PTPRN2: variants seen among roughly 807,000 people sequenced by gnomAD.
PTPRN2 encodes receptor-type tyrosine-protein phosphatase N2.
In PTPRN2, 74 loss-of-function variants were observed where a neutral mutation model predicts 118.8. The observed-to-expected ratio is 0.62, with a 90% confidence interval of 0.52 to 0.76. PTPRN2 has a LOEUF of 0.76. PTPRN2 is among the 30% of genes least tolerant of loss of function. The probability of loss-of-function intolerance (pLI) is 0.00; values close to 1 mark genes in which losing one functional copy is unlikely to be tolerated. For missense variants in PTPRN2, 1,481 were observed against 1,394.4 expected, an observed-to-expected ratio of 1.06 and a Z score of -0.99; for synonymous variants, 641 against 608.0, an observed-to-expected ratio of 1.05 and a Z score of -0.80.
At position 158,270,016 on chromosome 7, in the gene PTPRN2, C is replaced by T. The variant is rs538618001; in HGVS notation, c.277+46803G>A. ...CAGAGACAGAGTCCCAGCAGTTGCC[C>T]GTCCACTCTCTGCCTGACCTGCAAT... On this transcript the variant is annotated intron_variant, in intron 3 of 22. Coordinates refer to ENST00000389418, the MANE Select transcript of PTPRN2 (RefSeq NM_002847.5). 3.0e-4 allele frequency among the ~76,000 whole-genome samples: 45 copies of T among 152,306 alleles called. No homozygotes were observed. In the South Asian group the frequency reaches 4.1e-3, roughly 14 times the overall value.
intron 6 of PTPRN2, among the ~76,000 whole-genome samples, chr7:158,156,531 G>C (rs145250214): frequency 6.6e-6 from 1 of 152,330 alleles, no homozygotes; most frequent in East Asian, 1.9e-4. Flanking sequence ...CTGCAGAAAC[G>C]CCCTCGTAAT....
intron 3 of PTPRN2, among the ~76,000 whole-genome samples, chr7:158,253,855 G>A (rs1056654586): frequency 2.6e-5 from 4 of 151,906 alleles, no homozygotes; most frequent in African/African-American, 7.3e-5. Context: ...ATCGAGCAGA[G>A]GAAGCATCCC....
intron 2 of PTPRN2, among the ~76,000 whole-genome samples, chr7:158,358,574 G>T (rs1035126773): frequency 1.3e-5 from 2 of 152,228 alleles, no homozygotes; most frequent in Non-Finnish European, 2.9e-5. Flanking sequence ...GCAGCTGAGG[G>T]GTGGAGAAAC....
intron 12 of PTPRN2, among the ~76,000 whole-genome samples, chr7:157,687,703 T>C (rs1018671728): frequency 1.3e-5 from 2 of 152,208 alleles, no homozygotes; most frequent in Non-Finnish European, 2.9e-5. Context: ...TATTAGGAAA[T>C]TTCATTCTAA....
chr7:157,688,497 A>G (rs972976116), intron 12 of PTPRN2, among the ~76,000 whole-genome samples: 5 of 152,080 alleles, frequency 3.3e-5, no homozygotes, highest in African/African-American at 7.2e-5. Flanking sequence ...TTTTCATGAC[A>G]CCCAAACTCA....
intron 2 of PTPRN2, among the ~76,000 whole-genome samples, chr7:158,430,720 G>A (rs1816109266): frequency 6.6e-6 from 1 of 152,238 alleles, no homozygotes; most frequent in African/African-American, 2.4e-5. Flanking sequence ...GCCCGGCCTG[G>A]ATTTCCAGGA....
intron 5 of PTPRN2, among the ~76,000 whole-genome samples, chr7:158,180,517 C>A (rs543128498): frequency 6.6e-6 from 1 of 152,250 alleles, no homozygotes; most frequent in Non-Finnish European, 1.5e-5. Flanking sequence ...TTCATTAAAT[C>A]TGTAGATTGC....
At position 157,545,912 on chromosome 7, in the gene PTPRN2, T is replaced by G. The variant is rs116586608; in HGVS notation, c.2976+3034A>C. On this transcript the variant is annotated intron_variant, in intron 22 of 22. Coordinates refer to ENST00000389418, the MANE Select transcript of PTPRN2 (RefSeq NM_002847.5). ...GCTTCGTAGAAGCAAGCATTCAGATTGGACAGCAGCATTTTGCCCAAATAA... is the reference window on the plus strand; with the variant it reads ...GCTTCGTAGAAGCAAGCATTCAGATGGGACAGCAGCATTTTGCCCAAATAA... Among the ~76,000 whole-genome samples the G allele has an allele frequency of 9.8e-3, 1,487 of 152,290 alleles. 17 individuals are homozygous for G. The highest frequency in any genetic ancestry group is 0.035 in the African/African-American group (1,435 of 41,548).
intron 2 of PTPRN2, among the ~76,000 whole-genome samples, chr7:158,372,246 TCCCCAGTGCTGGTCCCCAGAGCTGATCC>T (rs1810077682): frequency 7.9e-6 from 1 of 127,106 alleles, no homozygotes; most frequent in Non-Finnish European, 1.7e-5. Flanking sequence ...GGAGCTGGCC[TCCCCAGTGCTGGTCCCCAGAGCTGATCC>T]CCCCAACGCT....
At chr7:158,441,244 A>AGGTGAT (rs796968502) in intron 2 of PTPRN2, among the ~76,000 whole-genome samples, 4 of 59,300 alleles carry the variant, frequency 6.7e-5, no homozygotes, top group South Asian at 5.8e-4. Context: ...ATGGCAATGA[A>AGGTGAT]GGTGATGGTG....
intron 12 of PTPRN2, among the ~76,000 whole-genome samples, chr7:157,724,187 T>G (rs1193058006): frequency 6.6e-6 from 1 of 152,198 alleles, no homozygotes; most frequent in Non-Finnish European, 1.5e-5. Flanking sequence ...GGGTGGAATT[T>G]AGGCTTCCCC....
At position 158,587,750 on chromosome 7, in the gene PTPRN2, C is replaced by G. The variant is rs886480271; in HGVS notation, c.-81G>C. ...GCGGCCGAGTCCGGGCCCAGGGAGG[C>G]GCGCGCCGCCGGCTCCTCCCGCCGC... On this transcript the variant is annotated 5_prime_UTR_variant, in exon 1 of 23. Coordinates refer to ENST00000389418, the MANE Select transcript of PTPRN2 (RefSeq NM_002847.5). 1 of 1,065,940 alleles carries G rather than the reference C, an allele frequency of 9.4e-7. No individual in the cohort carries two copies. Among genetic ancestry groups the G allele is most frequent in the South Asian group, 4.4e-5 (1 of 22,810 alleles). 66.0% of individuals were successfully genotyped at this position (1,065,940 alleles called of 1,614,324 possible). A position where few individuals can be genotyped will look rare whatever the true frequency, so the allele number is the denominator to read the frequency against.
intron 11 of PTPRN2, among the ~76,000 whole-genome samples, chr7:157,946,775 G>A (rs1250624405): frequency 6.6e-6 from 1 of 152,232 alleles, no homozygotes; most frequent in Non-Finnish European, 1.5e-5. Flanking sequence ...TTTGGAGGAT[G>A]ATCCCAGAAG....
rs562576866 is a variant in PTPRN2, at chr7:158,525,992, C to T, written c.113-36207G>A. Among the ~76,000 whole-genome samples, 1 of 152,148 alleles carries T rather than the reference C, an allele frequency of 6.6e-6. No individual in the cohort carries two copies. Among genetic ancestry groups the T allele is most frequent in the South Asian group, 2.1e-4 (1 of 4,834 alleles). The stretch of plus-strand genomic sequence containing the variant: ...GCCCCCCCATTGACTCGGCTCTCTG[C>T]AGACCTGCAGACCTGCAGCCCAGCC... On this transcript the variant is annotated intron_variant, in intron 1 of 22. Coordinates refer to ENST00000389418, the MANE Select transcript of PTPRN2 (RefSeq NM_002847.5). This position sits in a 1 kb window ranked among gnomAD's most constrained non-coding sequence, Gnocchi z 4.1.
At chr7:158,481,122 G>A (rs1820612588) in intron 2 of PTPRN2, among the ~76,000 whole-genome samples, 1 of 152,264 alleles carries the variant, frequency 6.6e-6, no homozygotes, top group Non-Finnish European at 1.5e-5. Context: ...GCTCTCTTGT[G>A]AGGAGCTGAT....
chr7:157,743,880 G>A (rs1262453570), intron 12 of PTPRN2, among the ~76,000 whole-genome samples: 1 of 152,250 alleles, frequency 6.6e-6, no homozygotes, highest in Non-Finnish European at 1.5e-5. Flanking sequence ...TGGCATGGCT[G>A]TGAAAGTGCT....
chr7:158,540,537 A>AG (rs577716615), intron 1 of PTPRN2, among the ~76,000 whole-genome samples: 1 of 152,066 alleles, frequency 6.6e-6, no homozygotes, highest in African/African-American at 2.4e-5. Context: ...CACATGGCCA[A>AG]GGGGGGGTTT....
intron 12 of PTPRN2, among the ~76,000 whole-genome samples, chr7:157,707,173 AACAC>A (rs542137490): frequency 7.4e-6 from 1 of 135,326 alleles, no homozygotes; most frequent in Non-Finnish European, 1.6e-5. Context: ...ACATACCACA[AACAC>A]ACACAGATAC....
At chr7:157,725,665 G>T (rs1378451659) in intron 12 of PTPRN2, among the ~76,000 whole-genome samples, 3 of 127,928 alleles carry the variant, frequency 2.3e-5, no homozygotes, top group South Asian at 2.7e-4. Flanking sequence ...TCTACACACA[G>T]AGGAGTGAGC....
Sources: gnomAD v4.1 joint callset for allele counts (sites outside exome capture counted in the v4.1 genomes callset) on GRCh38, gnomAD v4.1.1 for gene constraint, Gnocchi (gnomAD v3.1) non-coding constraint, MANE v1.5 for transcripts, NCBI Gene and HGNC (gene_info 2026-07-23, HGNC 2026-07-21) for gene names.